Variants in IPCEF1 observed in about 807,000 individuals in gnomAD.
IPCEF1 encodes the protein interaction protein for cytohesin exchange factors 1.
A neutral mutation model predicts 50.9 loss-of-function variants in IPCEF1; 31 were observed. The observed-to-expected ratio is 0.61, with a 90% confidence interval of 0.46 to 0.82. The LOEUF is 0.82. IPCEF1 is among the 40% of genes least tolerant of loss of function. IPCEF1 has a pLI of 0.00. For missense variants in IPCEF1, 458 were observed against 514.0 expected (o/e 0.89, Z 1.05); for synonymous variants, 181 against 192.0 (o/e 0.94, Z 0.47).
chr6:154,285,685 T>G (rs1193449771), intron 2 of IPCEF1, among the ~76,000 whole-genome samples: 1 of 152,198 alleles, frequency 6.6e-6, no homozygotes, highest in Non-Finnish European at 1.5e-5. Flanking sequence ...TGCACAAAAA[T>G]TATGAGCCTT....
Position 154,154,594 on chromosome 6 carries a change from A to G in IPCEF1, c.*5234T>C, listed in dbSNP as rs1322457254. ...GGGCACTGTAACCTTGTTGTAGACGATCAAAACGCAGCCATTAAACACTTC... is the reference window on the plus strand; with the variant it reads ...GGGCACTGTAACCTTGTTGTAGACGGTCAAAACGCAGCCATTAAACACTTC... On this transcript the variant is annotated 3_prime_UTR_variant, in exon 12 of 12. Coordinates refer to ENST00000367220, the MANE Select transcript of IPCEF1 (RefSeq NM_001130700.2). The G allele has an allele frequency of 1.3e-5, 2 of 152,236 alleles. No individual in the cohort carries two copies. The highest frequency in any genetic ancestry group is 4.8e-5 in the African/African-American group (2 of 41,458). The allele number at this position is 152,236 out of a possible 1,614,324, so 9.4% of individuals were successfully genotyped here. A position where few individuals can be genotyped will look rare whatever the true frequency, so the allele number is the denominator to read the frequency against.
intron 1 of IPCEF1, among the ~76,000 whole-genome samples, chr6:154,292,778 GA>G (rs960245671): frequency 2.0e-5 from 3 of 152,044 alleles, no homozygotes; most frequent in African/African-American, 7.2e-5. Flanking sequence ...AGAAACAGTG[GA>G]AAAAATGGGT....
intron 1 of IPCEF1, among the ~76,000 whole-genome samples, chr6:154,321,046 T>C (rs1417893877): frequency 6.6e-6 from 1 of 152,018 alleles, no homozygotes; most frequent in Non-Finnish European, 1.5e-5. Context: ...TCCTCCCACC[T>C]CAGCCTCCTG....
chr6:154,173,332 C>G (rs1016294829), intron 10 of IPCEF1, among the ~76,000 whole-genome samples: 2 of 152,086 alleles, frequency 1.3e-5, no homozygotes, highest in Non-Finnish European at 2.9e-5. Context: ...GATGAGTTGA[C>G]AGAAGTAGGC....
intron 1 of IPCEF1, among the ~76,000 whole-genome samples, chr6:154,355,814 C>A (rs748863876): frequency 3.4e-5 from 5 of 146,360 alleles, no homozygotes; most frequent in Non-Finnish European, 7.6e-5. Context: ...TCTTTTCTTT[C>A]TTTTTTTTTT....
chr6:154,245,849 T>C (rs1780990883), intron 5 of IPCEF1, among the ~76,000 whole-genome samples: 1 of 152,206 alleles, frequency 6.6e-6, no homozygotes, highest in Admixed American at 6.5e-5. Context: ...TCAACATGAT[T>C]CAGGTCACGA....
chr6:154,284,659 G>C (rs1183023953), intron 2 of IPCEF1, among the ~76,000 whole-genome samples: 2 of 152,158 alleles, frequency 1.3e-5, no homozygotes, highest in African/African-American at 4.8e-5. Context: ...TGGAGTAGAG[G>C]ATCTCTCCCC....
intron 11 of IPCEF1, among the ~76,000 whole-genome samples, chr6:154,161,941 T>C (rs771601077): frequency 3.4e-4 from 52 of 152,166 alleles, no homozygotes; most frequent in Non-Finnish European, 6.2e-4. Context: ...CAAATGACTA[T>C]TTCAAAACTC....
chr6:154,223,905 A>T (rs1461954777), intron 5 of IPCEF1, among the ~76,000 whole-genome samples: 3 of 152,252 alleles, frequency 2.0e-5, no homozygotes, highest in Non-Finnish European at 4.4e-5. Flanking sequence ...AAGACTGCAT[A>T]AGAAAATTAT....
chr6:154,273,704 T>TTCTC (rs371410830), intron 2 of IPCEF1, among the ~76,000 whole-genome samples: 17 of 77,390 alleles, frequency 2.2e-4, no homozygotes, highest in African/African-American at 6.0e-4. Flanking sequence ...TTTTTTCTTT[T>TTCTC]TTTCTTTCTT....
chr6:154,261,131 C>T (rs941243460), intron 3 of IPCEF1, among the ~76,000 whole-genome samples: 1 of 152,034 alleles, frequency 6.6e-6, no homozygotes, highest in Admixed American at 6.6e-5. Context: ...ATCTCCTGGG[C>T]CCAAGCGATC....
At chr6:154,227,662 G>C (rs940336607) in intron 5 of IPCEF1, among the ~76,000 whole-genome samples, 1 of 151,730 alleles carries the variant, frequency 6.6e-6, no homozygotes, top group South Asian at 2.1e-4. Flanking sequence ...GGCTGTCATG[G>C]GTTGTGATCA....
chr6:154,329,214 C>G (rs551236861), intron 1 of IPCEF1, among the ~76,000 whole-genome samples: 1 of 152,112 alleles, frequency 6.6e-6, no homozygotes, highest in South Asian at 2.1e-4. Flanking sequence ...GAGTTTGAAA[C>G]CTGCTTGGGC....
At chr6:154,280,175 A>AACCTTT (rs1194056718) in intron 2 of IPCEF1, among the ~76,000 whole-genome samples, 1 of 152,240 alleles carries the variant, frequency 6.6e-6, no homozygotes, top group Non-Finnish European at 1.5e-5. Flanking sequence ...CTATGCCCAC[A>AACCTTT]ACCTTTACTC....
intron 3 of IPCEF1, chr6:154,247,775 T>C (rs182671557): frequency 3.0e-6 from 1 of 334,764 alleles, no homozygotes; most frequent in East Asian, 4.6e-5. Flanking sequence ...TTAGTTATGA[T>C]AGCACAGTGT....
At chr6:154,213,719 G>C (rs1778149611) in intron 8 of IPCEF1, among the ~76,000 whole-genome samples, 1 of 152,096 alleles carries the variant, frequency 6.6e-6, no homozygotes, top group Non-Finnish European at 1.5e-5. Flanking sequence ...TTAGACTCCT[G>C]TAGCTTTTGA....
chr6:154,213,422 C>A (rs1778128059), intron 8 of IPCEF1: 1 of 153,916 alleles, frequency 6.5e-6, no homozygotes, highest in East Asian at 1.9e-4. Context: ...TATAAATAGA[C>A]AATGGGTACT....
At chr6:154,293,448 T>A (rs1030432994) in intron 1 of IPCEF1, among the ~76,000 whole-genome samples, 1 of 152,234 alleles carries the variant, frequency 6.6e-6, no homozygotes, top group African/African-American at 2.4e-5. Flanking sequence ...CAAGCTAAGA[T>A]AACAGATCAA....
chr6:154,200,705 A>G (rs954500305), intron 9 of IPCEF1, among the ~76,000 whole-genome samples: 1 of 152,336 alleles, frequency 6.6e-6, no homozygotes, highest in Non-Finnish European at 1.5e-5. Context: ...TGGGTGACAG[A>G]GTGAGACTCT....
Sources: allele counts gnomAD v4.1 joint callset (sites outside exome capture counted in the v4.1 genomes callset), GRCh38; gene constraint gnomAD v4.1.1; transcripts MANE v1.5; gene names NCBI Gene and HGNC (gene_info 2026-07-23, HGNC 2026-07-21).